The following PREX1 variants were observed in gnomAD, a reference collection of about 807,000 sequenced individuals.
PREX1 encodes phosphatidylinositol 3,4,5-trisphosphate-dependent Rac exchanger 1 protein.
PREX1 carries 41 observed loss-of-function variants against 198.3 expected under a neutral mutation model. The observed-to-expected ratio is 0.21, with a 90% CI of 0.16 to 0.27. The LOEUF (loss-of-function observed/expected upper bound fraction) is 0.27, where lower values mean the gene tolerates loss of function less well. Among genes scored for constraint, PREX1 ranks in the 10% least tolerant of loss-of-function variants. PREX1 has a pLI of 1.00. For synonymous variants in PREX1, 843 were observed against 887.2 expected (o/e 0.95, Z 0.89); for missense variants, 1,620 against 2,200.7 (o/e 0.74, Z 5.28).
At chr20:48,681,410 T>G (rs2089749540) in intron 10 of PREX1, 75 bp from the exon 11 acceptor site, 1 of 1,398,368 alleles carries the variant, frequency 7.2e-7, no homozygotes. Context: ...TAAGCTGGCC[T>G]GGCCACATCC....
chr20:48,760,524 T>C (rs1485793409), intron 1 of PREX1, among the ~76,000 whole-genome samples: 1 of 151,914 alleles, frequency 6.6e-6, no homozygotes, highest in Non-Finnish European at 1.5e-5. Flanking sequence ...GTCAATTTCC[T>C]GGACCAAACA....
At position 48,752,518 on chromosome 20, in the gene PREX1, G is replaced by A. The variant is rs538007673; in HGVS notation, c.220-4638C>T. On this transcript the variant is annotated intron_variant, in intron 1 of 39. Transcript: ENST00000371941. ...CCGCTCTCATGTGCAGGGCAGGCCA[G>A]AGGTGCGGAAGAAGTAAGACTGCCT... Among the ~76,000 whole-genome samples the A allele has an allele frequency of 4.3e-4, 65 of 152,318 alleles. 1 individual carries two copies. The highest frequency in any genetic ancestry group is 1.5e-3 in the African/African-American group (64 of 41,564).
intron 36 of PREX1, among the ~76,000 whole-genome samples, chr20:48,630,031 G>T (rs1156787359): frequency 6.6e-6 from 1 of 152,158 alleles, no homozygotes; most frequent in Non-Finnish European, 1.5e-5. Context: ...TGCAAGGGGT[G>T]GTTCACTAAC....
chr20:48,873,554 C>CAAA, the PREX1 span, among the ~76,000 whole-genome samples: 5 of 70,106 alleles, frequency 7.1e-5, no homozygotes, highest in Admixed American at 1.7e-4. Flanking sequence ...AGTAAAAATA[C>CAAA]AAAAAAAAAA....
At chr20:48,661,444 A>AAAAAAATAT (rs1555832820) in intron 15 of PREX1, among the ~76,000 whole-genome samples, 3 of 49,596 alleles carry the variant, frequency 6.0e-5, no homozygotes, top group Admixed American at 2.4e-4. Flanking sequence ...AAAAAAAAAA[A>AAAAAAATAT]ATATATATAT....
At chr20:48,742,329 T>C (rs555365665) in intron 3 of PREX1, among the ~76,000 whole-genome samples, 2 of 152,330 alleles carry the variant, frequency 1.3e-5, no homozygotes, top group African/African-American at 4.8e-5. Context: ...GAGCACTTAT[T>C]ATGTGCCAGG....
At chr20:48,839,791 CT>C in the PREX1 span, among the ~76,000 whole-genome samples, 1 of 152,184 alleles carries the variant, frequency 6.6e-6, no homozygotes, top group Non-Finnish European at 1.5e-5. Flanking sequence ...CTCCTTGCTC[CT>C]TTCCCTTATA....
intron 25 of PREX1, among the ~76,000 whole-genome samples, chr20:48,646,806 G>A (rs2089454918): frequency 6.6e-6 from 1 of 152,198 alleles, no homozygotes; most frequent in African/African-American, 2.4e-5. Flanking sequence ...TTTGAAGCTA[G>A]CTAAACCCCA....
chr20:48,792,282 C>T (rs1425657194), intron 1 of PREX1, among the ~76,000 whole-genome samples: 1 of 152,018 alleles, frequency 6.6e-6, no homozygotes, highest in Non-Finnish European at 1.5e-5. Context: ...ACCAGCCTGA[C>T]CAACATGGAG....
intron 5 of PREX1, among the ~76,000 whole-genome samples, chr20:48,708,923 G>A (rs1601090011): frequency 6.6e-6 from 1 of 152,232 alleles, no homozygotes; most frequent in Non-Finnish European, 1.5e-5. Context: ...CCCAGGCCCG[G>A]TTTTCTTATC....
chr20:48,886,701 T>C, the PREX1 span, among the ~76,000 whole-genome samples: 4 of 152,234 alleles, frequency 2.6e-5, no homozygotes, highest in African/African-American at 9.6e-5. Context: ...AGCTTGTGTC[T>C]GCACTCTTCT....
intron 27 of PREX1, among the ~76,000 whole-genome samples, chr20:48,644,204 G>A (rs991163782): frequency 6.6e-6 from 1 of 152,180 alleles, no homozygotes; most frequent in East Asian, 1.9e-4. Flanking sequence ...TGTTTCTTTC[G>A]CTGCCGCATT....
intron 37 of PREX1, 92 bp downstream of exon 37, chr20:48,629,357 C>T (rs1443766629): frequency 6.7e-7 from 1 of 1,494,778 alleles, no homozygotes; most frequent in Non-Finnish European, 9.1e-7. Context: ...GATTGGAACC[C>T]AGCCTTCCTG....
intron 1 of PREX1, among the ~76,000 whole-genome samples, chr20:48,807,144 C>G (rs2090415243): frequency 6.6e-6 from 1 of 152,094 alleles, no homozygotes; most frequent in Non-Finnish European, 1.5e-5. Context: ...TTAATTAGAA[C>G]TAGTGTAGCA....
At chr20:48,790,742 G>A (rs1437738922) in intron 1 of PREX1, among the ~76,000 whole-genome samples, 1 of 152,152 alleles carries the variant, frequency 6.6e-6, no homozygotes. Flanking sequence ...AACACTGAAT[G>A]CCGAGACAGT....
At chr20:48,764,229 G>A (rs2090197757) in intron 1 of PREX1, among the ~76,000 whole-genome samples, 1 of 152,160 alleles carries the variant, frequency 6.6e-6, no homozygotes, top group African/African-American at 2.4e-5. Flanking sequence ...GTGAAAGGAG[G>A]GAGAACTTGC....
rs375605779 is a variant in PREX1 at position 48,650,003 on chromosome 20, C to T, written c.3021G>A (p.Pro1007=). The change falls in exon 24 of 40, where the codon CCG becomes CCA. Residue 1007 remains proline, a synonymous_variant. Coordinates refer to ENST00000371941, the MANE Select transcript of PREX1 (RefSeq NM_020820.4). Reference sequence around the variant, plus strand: ...ATAGACACACACAGGTACCTTGCTCCGGGTCAAGGCCGATGAGGGAGGGTT... The same window carrying T: ...ATAGACACACACAGGTACCTTGCTCTGGGTCAAGGCCGATGAGGGAGGGTT... The part of the protein sequence containing the change: ...GRKPSLIGLD[P]EQGHLNPMSY... 1.7e-4 allele frequency: 281 copies of T among 1,613,792 alleles called. No homozygotes were observed. Among genetic ancestry groups the T allele is most frequent in the Non-Finnish European group, 2.3e-4 (277 of 1,179,868 alleles).
chr20:48,783,791 T>C (rs992289518), intron 1 of PREX1, among the ~76,000 whole-genome samples: 1 of 152,172 alleles, frequency 6.6e-6, no homozygotes, highest in Non-Finnish European at 1.5e-5. Flanking sequence ...ACTTCACCAC[T>C]ACCTGTTACC....
rs190137924 is a variant in PREX1, at chr20:48,730,892, A to T, written c.519+3654T>A. Among the ~76,000 whole-genome samples, 165 of 152,192 alleles carry T rather than the reference A, an allele frequency of 1.1e-3. 4 individuals are homozygous for T. Among genetic ancestry groups the T allele is most frequent in the African/African-American group, 3.8e-3 (156 of 41,510 alleles). ...GCACACTATAGTCCCAGCTTCTCAG[A>T]AGACTAAATGGGAGGATGGCTTGAG... On this transcript the variant is annotated intron_variant, in intron 4 of 39. Transcript: ENST00000371941.
Sources: allele counts gnomAD v4.1 joint callset (sites outside exome capture counted in the v4.1 genomes callset), GRCh38; gene constraint gnomAD v4.1.1; transcripts MANE v1.5; gene names NCBI Gene and HGNC (gene_info 2026-07-23, HGNC 2026-07-21).